Variants in DGKB observed in about 807,000 individuals in gnomAD.
DGKB encodes 90 kDa diacylglycerol kinase.
In DGKB, 67 loss-of-function variants were observed where a neutral mutation model predicts 114.3. The ratio of observed to expected loss-of-function variants is 0.59; its 90% CI spans 0.48 to 0.72. The LOEUF is 0.72. Among genes scored for constraint, DGKB ranks in the 30% least tolerant of loss-of-function variants. The pLI is 0.00. For synonymous variants in DGKB, 398 were observed against 323.1 expected (o/e 1.23, Z -2.49); for missense variants, 907 against 975.2 (o/e 0.93, Z 0.93).
chr7:14,365,138 A>C (rs112315353), intron 21 of DGKB, among the ~76,000 whole-genome samples: 144 of 151,714 alleles, frequency 9.5e-4, no homozygotes, highest in African/African-American at 3.5e-3. Context: ...TCGCCTCCAC[A>C]GTGGTTTGTC....
intron 23 of DGKB, among the ~76,000 whole-genome samples, chr7:14,275,817 T>C (rs1342720906): frequency 6.6e-6 from 1 of 152,190 alleles, no homozygotes; most frequent in South Asian, 2.1e-4. Context: ...TGCCATGATA[T>C]GATGATGAGG....
intron 21 of DGKB, among the ~76,000 whole-genome samples, chr7:14,359,458 T>G (rs754624766): frequency 5.9e-5 from 9 of 152,044 alleles, no homozygotes; most frequent in Non-Finnish European, 1.2e-4. Context: ...AAAGCCAAAA[T>G]TGAAAGTGGG....
At chr7:14,493,274 G>A (rs1315326803) in intron 20 of DGKB, among the ~76,000 whole-genome samples, 1 of 152,026 alleles carries the variant, frequency 6.6e-6, no homozygotes, top group African/African-American at 2.4e-5. Context: ...AAGACTCTCA[G>A]TAGATGCCTG....
intron 21 of DGKB, among the ~76,000 whole-genome samples, chr7:14,373,749 C>T (rs999344244): frequency 2.0e-5 from 3 of 152,078 alleles, no homozygotes; most frequent in Non-Finnish European, 4.4e-5. Context: ...AGGGATAGTT[C>T]TTCCTTGAGT....
chr7:14,492,375 A>T (rs908209730), intron 20 of DGKB, among the ~76,000 whole-genome samples: 6 of 152,100 alleles, frequency 3.9e-5, no homozygotes, highest in Middle Eastern at 3.4e-3. Flanking sequence ...CCTGAGGGAA[A>T]ATTTAAAAAT....
At chr7:14,229,229 T>C (rs1791324588) in intron 23 of DGKB, among the ~76,000 whole-genome samples, 1 of 152,010 alleles carries the variant, frequency 6.6e-6, no homozygotes, top group Non-Finnish European at 1.5e-5. Flanking sequence ...CATACACTCA[T>C]ATACAGTAAT....
chr7:14,594,496 T>A (rs11773345), intron 17 of DGKB, among the ~76,000 whole-genome samples: 69,769 of 151,854 alleles, frequency 0.46, 16,186 homozygotes, highest in Middle Eastern at 0.5. Flanking sequence ...AGTTACACAG[T>A]CTTCCTGATA....
At chr7:14,855,085 A>T (rs142562933) in intron 1 of DGKB, among the ~76,000 whole-genome samples, 173 of 152,228 alleles carry the variant, frequency 1.1e-3, no homozygotes, top group African/African-American at 4.1e-3. Flanking sequence ...GAAATAAATT[A>T]CTCCTTTTTA....
At chr7:14,946,910 G>A (rs1785912191) in intron 1 of DGKB, among the ~76,000 whole-genome samples, 3 of 151,520 alleles carry the variant, frequency 2.0e-5, no homozygotes, top group East Asian at 3.9e-4. Context: ...TTTATTACCT[G>A]ATATAAATAA....
At chr7:14,483,642 G>A (rs114311666) in intron 20 of DGKB, among the ~76,000 whole-genome samples, 2 of 152,082 alleles carry the variant, frequency 1.3e-5, no homozygotes, top group African/African-American at 4.8e-5. Flanking sequence ...TGATGGTAAA[G>A]GTTTTTGAAA....
intron 23 of DGKB, among the ~76,000 whole-genome samples, chr7:14,264,936 G>A (rs1349711348): frequency 2.6e-5 from 4 of 152,114 alleles, no homozygotes; most frequent in Non-Finnish European, 2.9e-5. Flanking sequence ...CTGAAACAAA[G>A]ACTTTACCAG....
chr7:14,406,919 A>T (rs1824028934), intron 21 of DGKB, among the ~76,000 whole-genome samples: 1 of 152,124 alleles, frequency 6.6e-6, no homozygotes, highest in Admixed American at 6.6e-5. Flanking sequence ...GAAATGAAAG[A>T]AGAACAGATT....
chr7:14,399,253 T>C (rs1312648046), intron 21 of DGKB, among the ~76,000 whole-genome samples: 1 of 151,694 alleles, frequency 6.6e-6, no homozygotes, highest in African/African-American at 2.4e-5. Flanking sequence ...GAAAACAAAA[T>C]GTTAGTATTC....
chr7:14,474,815 CATAA>C lies in DGKB; in HGVS notation c.1835+3342_1835+3345del, dbSNP rs1584236894. Among the ~76,000 whole-genome samples, 4 of 135,092 alleles carry C rather than the reference CATAA, an allele frequency of 3.0e-5. No homozygotes were observed. In the East Asian group the frequency reaches 1.1e-3, roughly 37 times the overall value. 88.6% of individuals were successfully genotyped at this position (135,092 alleles called of 152,430 possible). A position where few individuals can be genotyped will look rare whatever the true frequency, so the allele number is the denominator to read the frequency against. ...AATAAATAGTTTAAAATTCTAGTAG[CATAA>C]ATATTTAGTTTTTTTTTTTCTTGAG... is the stretch of plus-strand genomic sequence containing the variant. On this transcript the variant is annotated intron_variant, in intron 21 of 25. Coordinates refer to ENST00000402815, the MANE Select transcript of DGKB (RefSeq NM_001350709.2).
At chr7:14,630,130 C>A in intron 14 of DGKB, 106 bp downstream of exon 14, 1 of 610,940 alleles carries the variant, frequency 1.6e-6, no homozygotes, top group Non-Finnish European at 2.7e-6. Flanking sequence ...ATATAACATG[C>A]TGGTATTCGA....
chr7:14,617,558 G>C (rs191226046), intron 15 of DGKB, among the ~76,000 whole-genome samples: 1 of 151,652 alleles, frequency 6.6e-6, no homozygotes, highest in East Asian at 1.9e-4. Flanking sequence ...ATAAGAGTAA[G>C]CCTTTTAAAA....
intron 20 of DGKB, among the ~76,000 whole-genome samples, chr7:14,554,100 C>T (rs1401781310): frequency 6.6e-6 from 1 of 151,948 alleles, no homozygotes; most frequent in Non-Finnish European, 1.5e-5. Flanking sequence ...TCTCGATCTC[C>T]TGACCTCGTG....
intron 21 of DGKB, among the ~76,000 whole-genome samples, chr7:14,438,839 T>G (rs144485337): frequency 9.3e-4 from 141 of 152,198 alleles, no homozygotes; most frequent in African/African-American, 3.3e-3. Context: ...TTTGAAAGGT[T>G]AACACTTTCA....
chr7:14,618,835 A>T (rs1367244175), intron 15 of DGKB, among the ~76,000 whole-genome samples: 5 of 109,494 alleles, frequency 4.6e-5, no homozygotes, highest in Non-Finnish European at 8.0e-5. Flanking sequence ...CTCTTCTGTC[A>T]CTGAAGTTAT....
Sources: allele counts gnomAD v4.1 joint callset (sites outside exome capture counted in the v4.1 genomes callset), GRCh38; gene constraint gnomAD v4.1.1; transcripts MANE v1.5; gene names NCBI Gene and HGNC (gene_info 2026-07-23, HGNC 2026-07-21).